MGAT4C: variants seen among roughly 807,000 people sequenced by gnomAD.
The protein encoded by MGAT4C is MGAT4 family member C.
In MGAT4C, 19 loss-of-function variants were observed where a neutral mutation model predicts 40.1. The ratio of observed to expected loss-of-function variants is 0.47; its 90% confidence interval spans 0.33 to 0.70. The LOEUF (loss-of-function observed/expected upper bound fraction) is 0.70, where lower values mean the gene tolerates loss of function less well. Among genes scored for constraint, MGAT4C ranks in the 30% least tolerant of loss-of-function variants. The pLI, the probability that MGAT4C is intolerant of heterozygous loss-of-function variation, is 0.02. For synonymous variants in MGAT4C, 181 were observed against 187.1 expected (o/e 0.97, Z 0.27); for missense variants, 491 against 563.2 (o/e 0.87, Z 1.30).
At chr12:86,695,368 CA>C (rs1950237680) in intron 2 of MGAT4C, among the ~76,000 whole-genome samples, 1 of 152,020 alleles carries the variant, frequency 6.6e-6, no homozygotes, top group Admixed American at 6.6e-5. Flanking sequence ...GGAGATTCCT[CA>C]AAAAACTAAA....
chr12:86,657,656 T>G (rs1963883289), intron 2 of MGAT4C, among the ~76,000 whole-genome samples: 2 of 151,880 alleles, frequency 1.3e-5, no homozygotes, highest in African/African-American at 4.8e-5. Flanking sequence ...AAAACAATTA[T>G]AACTAGCATG....
rs1884121085 is a variant in MGAT4C at position 85,977,836 on chromosome 12, A to AGTC, written c.*1450_*1452dup. 1 of 141,738 alleles carries AGTC rather than the reference A, an allele frequency of 7.1e-6. No homozygotes were observed. Among genetic ancestry groups the AGTC allele is most frequent in the African/African-American group, 2.6e-5 (1 of 38,946 alleles). 8.8% of individuals were successfully genotyped at this position (141,738 alleles called of 1,614,324 possible). ...CACACACACACACACACACACACAG[A>AGTC]GTCATCTATATGAACACGTACTTGA... On this transcript the variant is annotated 3_prime_UTR_variant, in exon 5 of 5. Transcript: ENST00000611864.
chr12:86,556,860 A>C (rs1224934322), intron 2 of MGAT4C, among the ~76,000 whole-genome samples: 1 of 152,200 alleles, frequency 6.6e-6, no homozygotes, highest in African/African-American at 2.4e-5. Flanking sequence ...ATTCAGTTAC[A>C]AATGTTGCAC....
chr12:86,270,144 G>A (rs1338943855), intron 4 of MGAT4C, among the ~76,000 whole-genome samples: 4 of 152,050 alleles, frequency 2.6e-5, no homozygotes, highest in Admixed American at 2.6e-4. Flanking sequence ...GCGGCTCACT[G>A]CAACATCTGC....
chr12:86,369,096 C>T (rs1955668066), intron 3 of MGAT4C, among the ~76,000 whole-genome samples: 1 of 151,876 alleles, frequency 6.6e-6, no homozygotes, highest in Non-Finnish European at 1.5e-5. Context: ...TTTGAATTGC[C>T]ATTTTTATTA....
chr12:86,556,095 A>ATTATTATTGCATTT (rs1276626986), intron 2 of MGAT4C, among the ~76,000 whole-genome samples: 1 of 152,220 alleles, frequency 6.6e-6, no homozygotes, highest in African/African-American at 2.4e-5. Context: ...TCTTCAAGAA[A>ATTATTATTGCATTT]TTATTATTGC....
chr12:86,781,238 C>CT (rs1413434959), intron 1 of MGAT4C, among the ~76,000 whole-genome samples: 1 of 152,060 alleles, frequency 6.6e-6, no homozygotes, highest in Non-Finnish European at 1.5e-5. Flanking sequence ...TCTTCATACT[C>CT]TTTTCCCTAG....
chr12:86,799,388 T>C (rs1343555528), intron 1 of MGAT4C, among the ~76,000 whole-genome samples: 1 of 151,904 alleles, frequency 6.6e-6, no homozygotes, highest in Non-Finnish European at 1.5e-5. Flanking sequence ...TAAATAGTGC[T>C]TTAAAATCTC....
chr12:86,050,249 A>G (rs1404944951), intron 1 of MGAT4C, among the ~76,000 whole-genome samples: 1 of 152,002 alleles, frequency 6.6e-6, no homozygotes, highest in African/African-American at 2.4e-5. Flanking sequence ...CTGTTACAAC[A>G]GTATAAATTC....
At chr12:86,126,803 T>C (rs1880348239) in intron 1 of MGAT4C, among the ~76,000 whole-genome samples, 1 of 152,154 alleles carries the variant, frequency 6.6e-6, no homozygotes, top group East Asian at 1.9e-4. Flanking sequence ...TGAATCTAGA[T>C]GTATAGCCCA....
In MGAT4C at chr12:86,475,328, G is replaced by T. The variant is rs1957816472; in HGVS notation, c.-228-40063C>A. 2.6e-5 allele frequency among the ~76,000 whole-genome samples: 4 copies of T among 151,714 alleles called. No homozygotes were observed. In the South Asian group the frequency reaches 8.3e-4, roughly 32 times the overall value. On this transcript the variant is annotated intron_variant, in intron 2 of 7. Coordinates refer to the MGAT4C transcript ENST00000548651. ...ACCAAATAGAATTTGGTTGCGAAAT[G>T]GTCACAAAGATAATTGCAGAGAATA...
intron 2 of MGAT4C, among the ~76,000 whole-genome samples, chr12:86,022,150 T>A (rs972672043): frequency 6.6e-6 from 1 of 152,260 alleles, no homozygotes; most frequent in African/African-American, 2.4e-5. Flanking sequence ...ATACCTGTGC[T>A]ATGCACAATG....
intron 2 of MGAT4C, among the ~76,000 whole-genome samples, chr12:86,499,236 T>C (rs2136331963): frequency 6.6e-6 from 1 of 151,782 alleles, no homozygotes; most frequent in East Asian, 1.9e-4. Flanking sequence ...TGTACAGAAG[T>C]TGGGGATGTT....
chr12:86,290,115 C>T (rs1953469941), intron 4 of MGAT4C, among the ~76,000 whole-genome samples: 1 of 151,794 alleles, frequency 6.6e-6, no homozygotes, highest in Non-Finnish European at 1.5e-5. Flanking sequence ...GGTGCGATCT[C>T]TGCTCACGGC....
At chr12:85,986,790 A>G (rs988568981) in intron 3 of MGAT4C, among the ~76,000 whole-genome samples, 1 of 152,184 alleles carries the variant, frequency 6.6e-6, no homozygotes, top group Non-Finnish European at 1.5e-5. Context: ...AGAAATAAAC[A>G]CAGGTAAAAA....
chr12:86,547,333 T>G (rs964126864), intron 2 of MGAT4C, among the ~76,000 whole-genome samples: 2 of 152,040 alleles, frequency 1.3e-5, no homozygotes, highest in Admixed American at 6.6e-5. Flanking sequence ...TGCTCTTCCT[T>G]TTGCTCCTCC....
chr12:86,670,838 A>G (rs1964238486), intron 2 of MGAT4C, among the ~76,000 whole-genome samples: 1 of 152,188 alleles, frequency 6.6e-6, no homozygotes, highest in Non-Finnish European at 1.5e-5. Context: ...CCCCAGTGGC[A>G]CTTGCAGCTG....
chr12:86,429,166 TG>T (rs1354722323), intron 3 of MGAT4C, among the ~76,000 whole-genome samples: 2 of 152,160 alleles, frequency 1.3e-5, no homozygotes, highest in East Asian at 3.8e-4. Flanking sequence ...TGTTTCCATT[TG>T]TGTTTGTCTC....
intron 2 of MGAT4C, among the ~76,000 whole-genome samples, chr12:86,031,233 CTG>C (rs1008688293): frequency 6.6e-6 from 1 of 151,732 alleles, no homozygotes; most frequent in Non-Finnish European, 1.5e-5. Flanking sequence ...CTAATAATAA[CTG>C]AGTGAATAGT....
Sources: gnomAD v4.1 joint callset for allele counts (sites outside exome capture counted in the v4.1 genomes callset) on GRCh38, gnomAD v4.1.1 for gene constraint, MANE v1.5 for transcripts, NCBI Gene and HGNC (gene_info 2026-07-23, HGNC 2026-07-21) for gene names.